The following EML4 variants were observed in gnomAD, a reference collection of about 807,000 sequenced individuals.
EML4 encodes EMAP like 4, also known as echinoderm microtubule-associated protein-like 4.
A neutral mutation model predicts 129.0 loss-of-function variants in EML4; 72 were observed. That is an observed-to-expected ratio of 0.56 (90% CI 0.46 to 0.68). EML4 has a LOEUF of 0.68. Among genes scored for constraint, EML4 ranks in the 30% least tolerant of loss-of-function variants. EML4 has a pLI of 0.00. For synonymous variants in EML4, 532 were observed against 405.0 expected (o/e 1.31, Z -3.77); for missense variants, 1,363 against 1,190.6 (o/e 1.14, Z -2.13).
chr2:42,244,475 G>C (rs999630398), intron 1 of EML4, among the ~76,000 whole-genome samples: 1 of 152,302 alleles, frequency 6.6e-6, no homozygotes, highest in East Asian at 1.9e-4. Context: ...ACATAACTTT[G>C]CAAGTCCTTT....
intron 13 of EML4, among the ~76,000 whole-genome samples, chr2:42,296,559 G>A (rs1667969124): frequency 6.6e-6 from 1 of 152,028 alleles, no homozygotes; most frequent in African/African-American, 2.4e-5. Context: ...GGGAATCCCT[G>A]TTCGTGTGCT....
At chr2:42,264,801 T>A in intron 6 of EML4, 70 bp downstream of exon 6, 1 of 1,417,540 alleles carries the variant, frequency 7.1e-7, no homozygotes, top group Non-Finnish European at 9.7e-7. Flanking sequence ...TTGAAAAGAA[T>A]ATTTTCATCC....
At chr2:42,281,723 A>C (rs996707259) in intron 7 of EML4, among the ~76,000 whole-genome samples, 1 of 152,228 alleles carries the variant, frequency 6.6e-6, no homozygotes, top group Non-Finnish European at 1.5e-5. Flanking sequence ...TCTAATTCAG[A>C]ATTAACTTTT....
chr2:42,316,147 C>G (rs924357173), intron 18 of EML4, 97 bp downstream of exon 18: 9 of 800,816 alleles, frequency 1.1e-5, no homozygotes, highest in African/African-American at 1.0e-4. Flanking sequence ...ACTTTTTTCT[C>G]TCTTTAGAGT....
chr2:42,174,669 C>A (rs1572824955), intron 1 of EML4, among the ~76,000 whole-genome samples: 1 of 152,156 alleles, frequency 6.6e-6, no homozygotes, highest in African/African-American at 2.4e-5. Context: ...CTTAATTTTG[C>A]ATGCTGTATA....
At chr2:42,270,900 T>C (rs564079061) in intron 6 of EML4, among the ~76,000 whole-genome samples, 1 of 152,200 alleles carries the variant, frequency 6.6e-6, no homozygotes, top group Non-Finnish European at 1.5e-5. Context: ...CTATGTATTT[T>C]CTTTTTTATT....
chr2:42,264,827 T>C, intron 6 of EML4, 96 bp downstream of exon 6: 1 of 1,411,066 alleles, frequency 7.1e-7, no homozygotes, highest in Non-Finnish European at 9.8e-7. Context: ...ACTTTATCAG[T>C]TCATAGTAAT....
chr2:42,308,434 C>G (rs1668739030), intron 17 of EML4, among the ~76,000 whole-genome samples: 1 of 151,974 alleles, frequency 6.6e-6, no homozygotes, highest in African/African-American at 2.4e-5. Flanking sequence ...TGCTTTATCC[C>G]AGGAGGCAGA....
intron 2 of EML4, among the ~76,000 whole-genome samples, chr2:42,252,396 G>T (rs1449481058): frequency 6.6e-6 from 1 of 151,888 alleles, no homozygotes; most frequent in Non-Finnish European, 1.5e-5. Context: ...TTTCATTCAC[G>T]CTACATAGCT....
At chr2:42,314,407 A>C (rs1669121883) in intron 17 of EML4, among the ~76,000 whole-genome samples, 1 of 152,122 alleles carries the variant, frequency 6.6e-6, no homozygotes, top group African/African-American at 2.4e-5. Context: ...TCATGAATGA[A>C]TTTTTAGTAA....
intron 14 of EML4, among the ~76,000 whole-genome samples, chr2:42,301,870 A>T (rs1668305962): frequency 6.6e-6 from 1 of 152,128 alleles, no homozygotes; most frequent in Admixed American, 6.5e-5. Flanking sequence ...AACTTCCATC[A>T]CTGTTTTCTT....
At chr2:42,288,526 A>T in intron 11 of EML4, 1 of 321,444 alleles carries the variant, frequency 3.1e-6, no homozygotes. Context: ...AAGCAACTTG[A>T]AGCAATTTCA....
chr2:42,195,017 T>C (rs1222850883), intron 1 of EML4, among the ~76,000 whole-genome samples: 1 of 152,202 alleles, frequency 6.6e-6, no homozygotes, highest in Non-Finnish European at 1.5e-5. Context: ...TAATCAGTAT[T>C]ATATTATAAA....
At chr2:42,304,000 T>TC (rs1431244516) in intron 16 of EML4, among the ~76,000 whole-genome samples, 3 of 152,218 alleles carry the variant, frequency 2.0e-5, no homozygotes, top group African/African-American at 7.2e-5. Context: ...AGTAAAATCA[T>TC]AAAGATTTCA....
chr2:42,206,516 C>A (rs1179108735), intron 1 of EML4, among the ~76,000 whole-genome samples: 1 of 152,168 alleles, frequency 6.6e-6, no homozygotes, highest in African/African-American at 2.4e-5. Context: ...ACCCAGCCTG[C>A]ATTTAGTTTT....
Position 42,328,930 on chromosome 2 carries a change from G to A in EML4, c.2386G>A (p.Val796Met), listed in dbSNP as rs754262627. 4.3e-5 allele frequency: 70 copies of A among 1,613,328 alleles called. No individual in the cohort carries two copies. Among genetic ancestry groups the A allele is most frequent in the Non-Finnish European group, 5.8e-5 (69 of 1,179,662 alleles). Reference protein sequence around the residue: ...GSDGTDINALVRSHNRKVIAV... With the variant: ...GSDGTDINALMRSHNRKVIAV... ...TGATGGGACAGATATCAATGCACTGGTGCGATCCCACAATAGAAAGGTGAT... is the reference window on the plus strand; with the variant it reads ...TGATGGGACAGATATCAATGCACTGATGCGATCCCACAATAGAAAGGTGAT... The change falls in exon 22 of 23, where the codon GTG (valine) becomes ATG (methionine). Residue 796 changes from valine (V) to methionine (M), a missense_variant. Coordinates refer to ENST00000318522, the MANE Select transcript of EML4 (RefSeq NM_019063.5).
intron 6 of EML4, among the ~76,000 whole-genome samples, chr2:42,265,294 G>A (rs1388450718): frequency 1.3e-5 from 2 of 152,058 alleles, no homozygotes; most frequent in Non-Finnish European, 2.9e-5. Flanking sequence ...TAGTAGAGAC[G>A]GGGTTTCACC....
intron 1 of EML4, among the ~76,000 whole-genome samples, chr2:42,197,163 G>T (rs1245376644): frequency 6.6e-6 from 1 of 152,118 alleles, no homozygotes; most frequent in Non-Finnish European, 1.5e-5. Flanking sequence ...CCCAGGATCA[G>T]GTGATACCCC....
At chr2:42,205,520 C>T (rs1457111022) in intron 1 of EML4, among the ~76,000 whole-genome samples, 4 of 147,262 alleles carry the variant, frequency 2.7e-5, no homozygotes, top group Non-Finnish European at 6.1e-5. Context: ...GCTTACCTAA[C>T]TCACAGTAAG....
Sources: allele counts gnomAD v4.1 joint callset (sites outside exome capture counted in the v4.1 genomes callset), GRCh38; gene constraint gnomAD v4.1.1; transcripts MANE v1.5; gene names NCBI Gene and HGNC (gene_info 2026-07-23, HGNC 2026-07-21).